ARHGAP6: variants seen among roughly 807,000 people sequenced by gnomAD.
ARHGAP6 encodes the protein Rho GTPase activating protein 6.
ARHGAP6 carries 16 observed loss-of-function variants against 55.7 expected under a neutral mutation model. The ratio of observed to expected loss-of-function variants is 0.29; its 90% CI spans 0.19 to 0.44. The LOEUF is 0.44. ARHGAP6 is among the 20% of genes least tolerant of loss of function. The pLI is 1.00. For synonymous variants in ARHGAP6, 382 were observed against 360.9 expected (o/e 1.06, Z -0.66); for missense variants, 698 against 808.9 (o/e 0.86, Z 1.66).
chrX:11,665,478 C>G lies in ARHGAP6; in HGVS notation c.-650G>C, dbSNP rs1193048544. On this transcript the variant is annotated 5_prime_UTR_variant, in exon 1 of 13. Transcript: ENST00000337414. ...GCCCACTCTTCCGACTGCAGAGGCT[C>G]AAGGGTTGTTCCAAGCTCAAGGTTC... 3 of 113,768 alleles carry G rather than the reference C, an allele frequency of 2.6e-5. No homozygotes were observed. The highest frequency in any genetic ancestry group is 5.6e-5 in the Non-Finnish European group (3 of 53,582). 9.4% of individuals were successfully genotyped at this position (113,768 alleles called of 1,213,427 possible). A position where few individuals can be genotyped will look rare whatever the true frequency, so the allele number is the denominator to read the frequency against.
At chrX:11,172,937 T>C (rs1325783552) in intron 8 of ARHGAP6, among the ~76,000 whole-genome samples, 1 of 112,063 alleles carries the variant, frequency 8.9e-6, no homozygotes, top group Non-Finnish European at 1.9e-5. Context: ...TTCATATGAA[T>C]AGCTCATATC....
rs775695150 is a variant in ARHGAP6 at position 11,139,334 on chromosome X, G to T, written c.2454C>A (p.Ala818=). ...CCACCTGGACGTGGGGCGTGCTGCA[G>T]GCGCGCGACACCGCAGGGTGGGCCC... ...EGRAHPAVSR[A]CSTPHVQVAG... is the part of the protein sequence containing the mutation. The change falls in exon 13 of 13, where the codon GCC becomes GCA. Residue 818 remains alanine, a synonymous_variant. Coordinates refer to ENST00000337414, the MANE Select transcript of ARHGAP6 (RefSeq NM_013427.3). 20 of 1,178,540 alleles carry T rather than the reference G, an allele frequency of 1.7e-5. No homozygotes were observed. The highest frequency in any genetic ancestry group is 1.8e-5 in the Non-Finnish European group (16 of 880,618).
chrX:11,364,224 G>C (rs1266847533), intron 1 of ARHGAP6, among the ~76,000 whole-genome samples: 1 of 110,294 alleles, frequency 9.1e-6, no homozygotes, highest in African/African-American at 3.3e-5. Flanking sequence ...TGGGAGGAGA[G>C]TGAGGATCGA....
chrX:11,495,319 C>T (rs1271496142), intron 1 of ARHGAP6, among the ~76,000 whole-genome samples: 3 of 111,605 alleles, frequency 2.7e-5, no homozygotes, highest in African/African-American at 9.8e-5. Context: ...AATGCCATAT[C>T]CTTGCCCTTA....
intron 1 of ARHGAP6, among the ~76,000 whole-genome samples, chrX:11,368,367 C>T (rs1388584732): frequency 2.7e-5 from 3 of 112,140 alleles, no homozygotes; most frequent in African/African-American, 9.7e-5. Flanking sequence ...TTCTAAAACA[C>T]ACAAAAGATG....
rs762963079 is a variant in ARHGAP6, at chrX:11,651,548, C to A, written c.588+12693G>T. On this transcript the variant is annotated intron_variant, in intron 1 of 12. Transcript: ENST00000337414. ...CTTTATCCAGTCTATCATTGACAGT[C>A]GTTTAGGTTGATTCCATGTCTTTGC... Among the ~76,000 whole-genome samples, 9 of 111,965 alleles carry A rather than the reference C, an allele frequency of 8.0e-5. No homozygotes were observed. In the East Asian group the frequency reaches 2.5e-3, roughly 31 times the overall value.
At chrX:11,491,678 G>C (rs145257767) in intron 1 of ARHGAP6, among the ~76,000 whole-genome samples, 8,816 of 111,346 alleles carry the variant, frequency 0.079, 409 homozygotes, top group East Asian at 0.18. Context: ...AAACATATGT[G>C]TGCATGTGTC....
intron 1 of ARHGAP6, among the ~76,000 whole-genome samples, chrX:11,331,035 G>A (rs1056933077): frequency 9.0e-6 from 1 of 111,683 alleles, no homozygotes; most frequent in African/African-American, 3.3e-5. Flanking sequence ...TTTGCCCTAA[G>A]GATAGCCATG....
intron 1 of ARHGAP6, among the ~76,000 whole-genome samples, chrX:11,360,257 A>G (rs1303571884): frequency 3.6e-5 from 4 of 112,165 alleles, no homozygotes; most frequent in East Asian, 5.5e-4. Flanking sequence ...AAAATCCTCA[A>G]TAAAATACTG....
chrX:11,521,284 G>C (rs1216295108), intron 1 of ARHGAP6, among the ~76,000 whole-genome samples: 1 of 111,699 alleles, frequency 9.0e-6, no homozygotes, highest in African/African-American at 3.3e-5. Context: ...GGGTTTTTAT[G>C]GTTTTAGGTC....
intron 1 of ARHGAP6, among the ~76,000 whole-genome samples, chrX:11,577,319 T>C (rs1293274737): frequency 1.8e-5 from 2 of 111,961 alleles, no homozygotes; most frequent in African/African-American, 6.5e-5. Context: ...GAGTTCACAA[T>C]ACAGTTATCA....
At chrX:11,171,182 AAT>A (rs1459516747) in intron 8 of ARHGAP6, among the ~76,000 whole-genome samples, 1 of 111,405 alleles carries the variant, frequency 9.0e-6, no homozygotes, top group Non-Finnish European at 1.9e-5. Flanking sequence ...ATTCACATTC[AAT>A]ATATTAATAA....
chrX:11,427,022 G>T (rs1467455374), intron 1 of ARHGAP6, among the ~76,000 whole-genome samples: 2 of 110,070 alleles, frequency 1.8e-5, no homozygotes, highest in African/African-American at 3.3e-5. Flanking sequence ...ATGATAATGT[G>T]CAACATTCTG....
At chrX:11,410,378 C>G (rs2049665410) in intron 1 of ARHGAP6, among the ~76,000 whole-genome samples, 1 of 112,303 alleles carries the variant, frequency 8.9e-6, no homozygotes, top group South Asian at 3.7e-4. Context: ...CACAAAGGAC[C>G]ACGTATTGTA....
At position 11,300,558 on chromosome X, in the gene ARHGAP6, T is replaced by G. The variant is rs771336026; in HGVS notation, c.589-45851A>C. 6 of 1,083,658 alleles carry G rather than the reference T, an allele frequency of 5.5e-6. No individual in the cohort carries two copies. The African/African-American group carries it at 1.1e-4, about 20-fold the overall frequency. The allele number at this position is 1,083,658 out of a possible 1,213,427, so 89.3% of individuals were successfully genotyped here. On this transcript the variant is annotated intron_variant, in intron 1 of 12. Coordinates refer to ENST00000337414, the MANE Select transcript of ARHGAP6 (RefSeq NM_013427.3). ...ACATGTTATTGTAAATGGTACTCAC[T>G]AGGAACATTTGTAAATTATTTTAAC...
At chrX:11,587,170 C>A (rs765046514) in intron 1 of ARHGAP6, among the ~76,000 whole-genome samples, 27 of 111,325 alleles carry the variant, frequency 2.4e-4, no homozygotes, top group Admixed American at 3.8e-4. Flanking sequence ...TTATTTCTTT[C>A]TCTTGCCTGA....
At chrX:11,262,074 T>C (rs971357258) in intron 1 of ARHGAP6, among the ~76,000 whole-genome samples, 12 of 112,365 alleles carry the variant, frequency 1.1e-4, no homozygotes, top group Non-Finnish European at 1.3e-4. Flanking sequence ...ATGTACTATA[T>C]ATTCGTTTAT....
intron 3 of ARHGAP6, among the ~76,000 whole-genome samples, chrX:11,192,269 G>A (rs928657536): frequency 8.1e-5 from 9 of 111,632 alleles, no homozygotes; most frequent in East Asian, 2.8e-4. Context: ...TTTTCACTCC[G>A]TCATCAAATC....
intron 1 of ARHGAP6, among the ~76,000 whole-genome samples, chrX:11,454,509 C>T (rs906243078): frequency 2.7e-5 from 3 of 111,930 alleles, no homozygotes; most frequent in Non-Finnish European, 5.6e-5. Flanking sequence ...AGGAAGGTTT[C>T]CAACAATCTG....
Sources: gnomAD v4.1 joint callset for allele counts (sites outside exome capture counted in the v4.1 genomes callset) on GRCh38, gnomAD v4.1.1 for gene constraint, MANE v1.5 for transcripts, NCBI Gene and HGNC (gene_info 2026-07-23, HGNC 2026-07-21) for gene names.